Variants in PYGM observed in about 807,000 individuals in gnomAD.
PYGM encodes the protein glycogen phosphorylase, muscle form.
A neutral mutation model predicts 99.3 loss-of-function variants in PYGM; 81 were observed. That is an observed-to-expected ratio of 0.82 (90% CI 0.68 to 0.98). The LOEUF is 0.98. Ranked by LOEUF, PYGM falls within the 50% of genes least tolerant of loss-of-function variation. The probability of loss-of-function intolerance (pLI) is 0.00; values close to 1 mark genes in which losing one functional copy is unlikely to be tolerated. For synonymous variants in PYGM, 436 were observed against 451.5 expected, an observed-to-expected ratio of 0.97 and a Z score of 0.44; for missense variants, 1,030 against 1,158.1, an observed-to-expected ratio of 0.89 and a Z score of 1.61.
rs1416186731 is a variant in PYGM at position 64,746,634 on chromosome 11, C to T, written c.*25G>A. On this transcript the variant is annotated 3_prime_UTR_variant, in exon 20 of 20. Transcript: ENST00000164139. ...CAAGAGAGTGTGACAGACTCAAGGG[C>T]TGGTTTGGGGTCTGGTCTGGAGGCT... is the stretch of plus-strand genomic sequence containing the variant. 1 of 1,613,888 alleles carries T rather than the reference C, an allele frequency of 6.2e-7. No individual in the cohort carries two copies. Among genetic ancestry groups the T allele is most frequent in the South Asian group, 1.1e-5 (1 of 91,084 alleles).
In PYGM at chr11:64,755,962, G is replaced by C. The variant is rs1262149780; in HGVS notation, c.661-404C>G. Among the ~76,000 whole-genome samples, 1 of 152,186 alleles carries C rather than the reference G, an allele frequency of 6.6e-6. No homozygotes were observed. The highest frequency in any genetic ancestry group is 1.5e-5 in the Non-Finnish European group (1 of 68,018). ...GGGGAACCCAGGGCCAGGCTGAAGG[G>C]GTCACAGAGGTCAAGTCCATCCAAA... On this transcript the variant is annotated intron_variant, in intron 5 of 19. Transcript: ENST00000164139. This position sits in a 1 kb window ranked among gnomAD's most constrained non-coding sequence, Gnocchi z 4.1.
rs747898762 is a variant in PYGM, at chr11:64,759,650, C to T, written c.243+6G>A. On this transcript the variant is annotated splice_donor_region_variant and intron_variant, in intron 1 of 19. Transcript: ENST00000164139. Reference sequence around the variant, plus strand: ...CATACCCCCACCCCAGGCTCCCCAGCAGCACCTTGGGGTCCTTCTCATAGT... The same window carrying T: ...CATACCCCCACCCCAGGCTCCCCAGTAGCACCTTGGGGTCCTTCTCATAGT... 7.4e-6 allele frequency: 12 copies of T among 1,613,476 alleles called. No homozygotes were observed. Among genetic ancestry groups the T allele is most frequent in the Non-Finnish European group, 1.0e-5 (12 of 1,179,846 alleles).
At position 64,746,555 on chromosome 11, in the gene PYGM, C is replaced by T. The variant is rs1592403977; in HGVS notation, c.*104G>A. 6.8e-7 allele frequency: 1 copy of T among 1,479,764 alleles called. No individual in the cohort carries two copies. The highest frequency in any genetic ancestry group is 1.1e-5 in the South Asian group (1 of 88,294). The allele number at this position is 1,479,764 out of a possible 1,614,324, so 91.7% of individuals were successfully genotyped here. A position where few individuals can be genotyped will look rare whatever the true frequency, so the allele number is the denominator to read the frequency against. ...GGGAAAATGAGGGTTCCAGGAGGGG[C>T]TTAGAGATCTAACTCCAGTACCCCA... On this transcript the variant is annotated 3_prime_UTR_variant, in exon 20 of 20. Coordinates refer to ENST00000164139, the MANE Select transcript of PYGM (RefSeq NM_005609.4).
At position 64,747,034 on chromosome 11, in the gene PYGM, A is replaced by G. The variant is rs569602; in HGVS notation, c.2313-47T>C. 0.11 allele frequency: 172,228 copies of G among 1,603,890 alleles called. 13,023 individuals are homozygous for G. Among genetic ancestry groups the G allele is most frequent in the East Asian group, 0.4 (17,966 of 44,818 alleles). On this transcript the variant is annotated intron_variant, in intron 18 of 19. Coordinates refer to ENST00000164139, the MANE Select transcript of PYGM (RefSeq NM_005609.4). Reference sequence around the variant, plus strand: ...TGTGCTATTCCTTTAGGGGGCTAGGATAAGTTCTATGAGGTCAAGGGCCAA... The same window carrying G: ...TGTGCTATTCCTTTAGGGGGCTAGGGTAAGTTCTATGAGGTCAAGGGCCAA...
chr11:64,758,472 G>T lies in PYGM; in HGVS notation c.389C>A (p.Ala130Glu). ...GCCCAGGCCCCCGTTGCCCAGCCCC[G>T]CATCCTCCTCAATTTCCTCCAGCTC... ...MEELEEIEED[A>E]GLGNGGLGRL... The change falls in exon 3 of 20, where the codon GCG becomes GAG. Residue 130 changes from alanine to glutamate, a missense_variant. Ala to Glu is a moderately radical substitution (Grantham distance 107, BLOSUM62 -1). Transcript: ENST00000164139. 1 of 1,613,890 alleles carries T rather than the reference G, an allele frequency of 6.2e-7. No individual in the cohort carries two copies. Among genetic ancestry groups the T allele is most frequent in the Non-Finnish European group, 8.5e-7 (1 of 1,179,984 alleles).
In PYGM at chr11:64,753,194, G is replaced by C. The variant is rs778958708; in HGVS notation, c.1404-7C>G. The C allele has an allele frequency of 1.9e-6, 3 of 1,599,020 alleles. No individual in the cohort carries two copies. The highest frequency in any genetic ancestry group is 2.6e-6 in the Non-Finnish European group (3 of 1,166,436). On this transcript the variant is annotated splice_polypyrimidine_tract_variant and splice_region_variant and intron_variant, in intron 11 of 19. Transcript: ENST00000164139. ...CTCATAGAAGTCTTTGAAGCTGCAGGATGAGGTTGGACGAGGGTCACCACT... is the reference window on the plus strand; with the variant it reads ...CTCATAGAAGTCTTTGAAGCTGCAGCATGAGGTTGGACGAGGGTCACCACT...
chr11:64,751,305 T>A lies in PYGM; in HGVS notation c.1969+20A>T. 6.2e-7 allele frequency: 1 copy of A among 1,613,978 alleles called. No homozygotes were observed. The highest frequency in any genetic ancestry group is 8.5e-7 in the Non-Finnish European group (1 of 1,179,986). On this transcript the variant is annotated intron_variant, in intron 16 of 19. Coordinates refer to ENST00000164139, the MANE Select transcript of PYGM (RefSeq NM_005609.4). ...TGAACTAGTCAGAGCCTCCCTAGGG[T>A]CCCTGTTGGCAGCACCCACCTTTCT... is the stretch of plus-strand genomic sequence containing the variant.
chr11:64,758,538 G>C (rs751778622), intron 2 of PYGM, 23 bp from the exon 3 acceptor site: 4 of 1,613,962 alleles, frequency 2.5e-6, no homozygotes, highest in African/African-American at 1.3e-5. Context: ...GGGTGACAGT[G>C]GTCAGGGTCA....
chr11:64,753,662 T>G lies in PYGM; in HGVS notation c.1260A>C (p.Pro420=). The G allele has an allele frequency of 6.2e-7, 1 of 1,608,238 alleles. No homozygotes were observed. Among genetic ancestry groups the G allele is most frequent in the African/African-American group, 1.3e-5 (1 of 74,958 alleles). Residue 420 remains proline (P), a synonymous_variant, in exon 11 of 20, where the codon CCA becomes CCC. Transcript: ENST00000164139. The stretch of plus-strand genomic sequence containing the variant: ...TGCGCCGCAGCCGGTCTACGTCCCC[T>G]GGGAATGCGGCCGCCACCCGCTGTG... ...RFLNRVAAAF[P]GDVDRLRRMS...
chr11:64,748,868 G>C (rs1189934542), intron 17 of PYGM: 2 of 151,880 alleles, frequency 1.3e-5, no homozygotes, highest in Non-Finnish European at 2.9e-5. Context: ...TGGCCAACAT[G>C]ATGAAACCCC....
chr11:64,758,173 C>T, intron 4 of PYGM, 73 bp downstream of exon 4: 1 of 1,519,648 alleles, frequency 6.6e-7, no homozygotes, highest in Non-Finnish European at 9.1e-7. Flanking sequence ...TCGGACCTTG[C>T]CAGAGATGAT....
intron 18 of PYGM, 77 bp downstream of exon 18, chr11:64,747,147 C>T (rs2058317856): frequency 1.8e-5 from 29 of 1,591,508 alleles, no homozygotes; most frequent in South Asian, 1.8e-4. Context: ...GACCCGCGTC[C>T]GGCTTCCCCA....
upstream of PYGM, among the ~76,000 whole-genome samples, chr11:64,760,674 C>T (rs1054887802): frequency 1.8e-4 from 27 of 152,328 alleles, no homozygotes; most frequent in Admixed American, 6.5e-4. Flanking sequence ...GAAACTGAGG[C>T]ATTCCCCACT....
rs1474750812 is a variant in PYGM, at chr11:64,755,048, T to A, written c.856-212A>T. ...GTACAAGAACCGAGTGTGTTGTGGG[T>A]GTCGCCAGGGAACAGCCCCTCCAAA... On this transcript the variant is annotated intron_variant, in intron 7 of 19. Transcript: ENST00000164139. This position sits in a 1 kb window ranked among gnomAD's most constrained non-coding sequence, Gnocchi z 4.1. Among the ~76,000 whole-genome samples the A allele has an allele frequency of 6.6e-6, 1 of 151,892 alleles. No individual in the cohort carries two copies. Among genetic ancestry groups the A allele is most frequent in the Non-Finnish European group, 1.5e-5 (1 of 67,968 alleles).
At chr11:64,749,393 A>G (rs1424985202) in intron 17 of PYGM, among the ~76,000 whole-genome samples, 1 of 151,350 alleles carries the variant, frequency 6.6e-6, no homozygotes, top group Non-Finnish European at 1.5e-5. Flanking sequence ...CTGTAATCCC[A>G]GCACTTTGGG....
At chr11:64,751,244 T>C in intron 16 of PYGM, 81 bp downstream of exon 16, 1 of 1,582,210 alleles carries the variant, frequency 6.3e-7, no homozygotes, top group Non-Finnish European at 8.6e-7. Context: ...AGTACAAGTA[T>C]CCCAGGAAGA....
Position 64,759,699 on chromosome 11 carries a change from C to T in PYGM, c.200G>A (p.Arg67His), listed in dbSNP as rs371357163. The T allele has an allele frequency of 5.6e-6, 9 of 1,614,108 alleles. No individual in the cohort carries two copies. Among genetic ancestry groups the T allele is most frequent in the Non-Finnish European group, 4.2e-6 (5 of 1,180,002 alleles). ...AHTVRDHLVG[R>H]WIRTQQHYYE... ...GTAGTGCTGCTGCGTGCGGATCCAG[C>T]GCCCCACGAGGTGGTCGCGCACGGT... The change falls in exon 1 of 20, where the codon CGC becomes CAC. Residue 67 changes from arginine (R) to histidine (H), a missense_variant. Physicochemically the swap from Arg to His is conservative, Grantham distance 29. Coordinates refer to ENST00000164139, the MANE Select transcript of PYGM (RefSeq NM_005609.4).
chr11:64,750,260 T>A, intron 17 of PYGM, 116 bp downstream of exon 17: 5 of 1,144,054 alleles, frequency 4.4e-6, no homozygotes, highest in Non-Finnish European at 5.3e-6. Context: ...CTGCTGGCCA[T>A]GACCAAGACC....
chr11:64,747,540 C>T, intron 17 of PYGM, 182 bp from the exon 18 acceptor site: 1 of 706,540 alleles, frequency 1.4e-6, no homozygotes, highest in Non-Finnish European at 2.4e-6. Flanking sequence ...AGCTTTTCAT[C>T]CCTCCTTTGT....
Sources: gnomAD v4.1 joint callset for allele counts (sites outside exome capture counted in the v4.1 genomes callset) on GRCh38, gnomAD v4.1.1 for gene constraint, Gnocchi (gnomAD v3.1) non-coding constraint, MANE v1.5 for transcripts, NCBI Gene and HGNC (gene_info 2026-07-23, HGNC 2026-07-21) for gene names.